Variants in CLASP1 observed in about 807,000 individuals in gnomAD.
CLASP1 encodes cytoplasmic linker associated protein 1, also known as CLIP-associating protein 1.
In CLASP1, 38 loss-of-function variants were observed where a neutral mutation model predicts 192.3. That is an observed-to-expected ratio of 0.20 (90% CI 0.15 to 0.26). CLASP1 has a LOEUF of 0.26. Ranked by LOEUF, CLASP1 falls within the 10% of genes least tolerant of loss-of-function variation. The probability of loss-of-function intolerance (pLI) is 1.00; values close to 1 mark genes in which losing one functional copy is unlikely to be tolerated. For missense variants in CLASP1, 1,433 were observed against 1,932.5 expected (o/e 0.74, Z 4.85); for synonymous variants, 691 against 712.8 (o/e 0.97, Z 0.49).
exon 25 of CLASP1, chr2:121,407,699 C>T: frequency 6.2e-7 from 1 of 1,613,966 alleles, no homozygotes; most frequent in Non-Finnish European, 8.5e-7. Context: ...CTCATATCTC[C>T]TCCTCACAGG....
chr2:121,588,793 A>T (rs1167211820), intron 2 of CLASP1, among the ~76,000 whole-genome samples: 1 of 152,074 alleles, frequency 6.6e-6, no homozygotes, highest in Non-Finnish European at 1.5e-5. Flanking sequence ...TGATTCCCCC[A>T]GTGGTCACAC....
intron 21 of CLASP1, among the ~76,000 whole-genome samples, chr2:121,426,366 G>C (rs1244629508): frequency 6.6e-6 from 1 of 152,082 alleles, no homozygotes; most frequent in Non-Finnish European, 1.5e-5. Flanking sequence ...AAACAACATA[G>C]TTTTGAAATA....
At chr2:121,527,682 G>A (rs2094608039) in intron 5 of CLASP1, 117 bp downstream of exon 5, 1 of 728,118 alleles carries the variant, frequency 1.4e-6, no homozygotes, top group African/African-American at 1.8e-5. Flanking sequence ...GGGTAAAGGG[G>A]GCATGAGATC....
At chr2:121,510,321 A>AAACT (rs2094088955) in intron 7 of CLASP1, among the ~76,000 whole-genome samples, 2 of 152,216 alleles carry the variant, frequency 1.3e-5, no homozygotes, top group Non-Finnish European at 2.9e-5. Flanking sequence ...AGAAGAGCAA[A>AAACT]GGCTCAAATT....
intron 34 of CLASP1, among the ~76,000 whole-genome samples, chr2:121,373,203 T>A (rs1179700529): frequency 6.6e-6 from 1 of 152,172 alleles, no homozygotes; most frequent in Admixed American, 6.5e-5. Flanking sequence ...TGTTTAGAAG[T>A]GTGTAGCACT....
intron 1 of CLASP1, among the ~76,000 whole-genome samples, chr2:121,620,923 T>C (rs866213867): frequency 1.3e-5 from 2 of 152,192 alleles, no homozygotes; most frequent in African/African-American, 2.4e-5. Flanking sequence ...TCAGTGCCTA[T>C]GTTTTAGGTG....
Position 121,631,458 on chromosome 2 carries a change from T to C in CLASP1, c.-286+17914A>G, listed in dbSNP as rs1299688067. Among the ~76,000 whole-genome samples the C allele has an allele frequency of 3.3e-5, 5 of 151,678 alleles. No individual in the cohort carries two copies. In the East Asian group the frequency reaches 8.0e-4, roughly 24 times the overall value. Reference sequence around the variant, plus strand: ...ACACACCACCAGGCCCAGCTAATTTTTGTATTTTTAGTAAAGACGAGGTTT... The same window carrying C: ...ACACACCACCAGGCCCAGCTAATTTCTGTATTTTTAGTAAAGACGAGGTTT... On this transcript the variant is annotated intron_variant, in intron 1 of 39. Coordinates refer to ENST00000263710, the Ensembl canonical transcript of CLASP1.
intron 2 of CLASP1, among the ~76,000 whole-genome samples, chr2:121,603,468 C>T (rs2064040547): frequency 1.3e-5 from 2 of 152,140 alleles, no homozygotes; most frequent in South Asian, 2.1e-4. Context: ...AACTCTTATA[C>T]ACTGCTGGTG....
chr2:121,648,414 T>C (rs372937030), intron 1 of CLASP1, among the ~76,000 whole-genome samples: 1 of 152,182 alleles, frequency 6.6e-6, no homozygotes, highest in Non-Finnish European at 1.5e-5. Flanking sequence ...GAATGGTCAG[T>C]ATTTAATGAA....
In CLASP1 at chr2:121,560,998, C is replaced by G. The variant is rs571741412; in HGVS notation, c.196-30673G>C. Among the ~76,000 whole-genome samples, 21 of 152,362 alleles carry G rather than the reference C, an allele frequency of 1.4e-4. No homozygotes were observed. In the East Asian group the frequency reaches 4.0e-3, roughly 29 times the overall value. On this transcript the variant is annotated intron_variant, in intron 2 of 39. Coordinates refer to ENST00000263710, the Ensembl canonical transcript of CLASP1. ...CCTGGCTCACTGCAACCTCTGCCTC[C>G]TGGGTTCAAGTGATTTTCCTGCCTC...
At chr2:121,368,603 T>C (rs1348355188) in intron 34 of CLASP1, among the ~76,000 whole-genome samples, 1 of 152,198 alleles carries the variant, frequency 6.6e-6, no homozygotes, top group South Asian at 2.1e-4. Flanking sequence ...AGCCCCTTTG[T>C]AGGTGGCAGT....
intron 19 of CLASP1, chr2:121,445,468 C>T (rs1180493707): frequency 1.6e-5 from 21 of 1,289,396 alleles, no homozygotes; most frequent in Non-Finnish European, 2.1e-5. Flanking sequence ...GGCCTATGTA[C>T]TCCATGTCTT....
At chr2:121,352,342 T>C (rs1052443751) in intron 37 of CLASP1, among the ~76,000 whole-genome samples, 3 of 152,248 alleles carry the variant, frequency 2.0e-5, no homozygotes, top group Non-Finnish European at 4.4e-5. Flanking sequence ...ATTGACTCCA[T>C]GCATGCCACC....
intron 9 of CLASP1, among the ~76,000 whole-genome samples, chr2:121,464,101 T>G (rs1403114366): frequency 6.6e-6 from 1 of 150,980 alleles, no homozygotes; most frequent in Non-Finnish European, 1.5e-5. Context: ...CGGTGTTTGG[T>G]TTTTTGTTCT....
At chr2:121,576,674 C>G (rs905644874) in intron 2 of CLASP1, among the ~76,000 whole-genome samples, 1 of 152,126 alleles carries the variant, frequency 6.6e-6, no homozygotes, top group Non-Finnish European at 1.5e-5. Flanking sequence ...AATGGAACAC[C>G]AAGTATGTTT....
chr2:121,398,498 G>T, intron 28 of CLASP1, 98 bp from the exon 30 acceptor site: 1 of 774,344 alleles, frequency 1.3e-6, no homozygotes, highest in Non-Finnish European at 2.1e-6. Flanking sequence ...GTTAATGTAT[G>T]TAAAACCCTG....
At chr2:121,621,729 G>T (rs548336962) in intron 1 of CLASP1, among the ~76,000 whole-genome samples, 1 of 152,132 alleles carries the variant, frequency 6.6e-6, no homozygotes, top group African/African-American at 2.4e-5. Flanking sequence ...AGTAAGTTAT[G>T]AAAGTCCTCC....
chr2:121,466,332 C>G (rs1202894522), intron 9 of CLASP1, among the ~76,000 whole-genome samples: 2 of 152,218 alleles, frequency 1.3e-5, no homozygotes, highest in Non-Finnish European at 2.9e-5. Flanking sequence ...TACAGCTCCT[C>G]TATCACAGAT....
intron 30 of CLASP1, 59 bp downstream of exon 31, chr2:121,397,081 T>C: frequency 1.9e-6 from 3 of 1,575,856 alleles, no homozygotes; most frequent in Non-Finnish European, 2.6e-6. Flanking sequence ...TCTAAATACA[T>C]TTCTCTAACA....
Sources: gnomAD v4.1 joint callset for allele counts (sites outside exome capture counted in the v4.1 genomes callset) on GRCh38, gnomAD v4.1.1 for gene constraint, MANE v1.5 for transcripts, NCBI Gene and HGNC (gene_info 2026-07-23, HGNC 2026-07-21) for gene names.